Variants in PCDHGA1 observed in about 807,000 individuals in gnomAD.
PCDHGA1 encodes the protein protocadherin gamma subfamily A, 1.
In PCDHGA1, 32 loss-of-function variants were observed where a neutral mutation model predicts 58.0. The observed-to-expected ratio is 0.55, with a 90% CI of 0.42 to 0.74. The LOEUF is 0.74. PCDHGA1 is among the 30% of genes least tolerant of loss of function. PCDHGA1 has a pLI of 0.00. For synonymous variants in PCDHGA1, 498 were observed against 501.1 expected (o/e 0.99, Z 0.08); for missense variants, 1,205 against 1,182.3 (o/e 1.02, Z -0.28).
rs1424346887 is a variant in PCDHGA1, at chr5:141,489,602, T to C, written c.2422-5205T>C. ...CCCCTGGAGCTAATCCGTGTAGAGG[T>C]AGAGATCCTGGATCTCAATGACAAC... On this transcript the variant is annotated intron_variant, in intron 1 of 3. Coordinates refer to ENST00000517417, the MANE Select transcript of PCDHGA1 (RefSeq NM_018912.3). The surrounding 1 kb of genome is among the most constrained non-coding windows in gnomAD (Gnocchi z 4.5). The C allele has an allele frequency of 5.6e-6, 9 of 1,613,754 alleles. No homozygotes were observed. In the African/African-American group the frequency reaches 6.7e-5, roughly 12 times the overall value.
At chr5:141,350,692 A>C in intron 1 of PCDHGA1, 2 of 1,612,684 alleles carry the variant, frequency 1.2e-6, no homozygotes, top group Non-Finnish European at 1.7e-6. Flanking sequence ...AGTCAGCCTT[A>C]CCCGGGGTAA....
intron 1 of PCDHGA1, chr5:141,344,441 G>A (rs1757418907): frequency 6.2e-7 from 1 of 1,613,506 alleles, no homozygotes; most frequent in Non-Finnish European, 8.5e-7. Context: ...TCCCAACAGA[G>A]GAATTGGAAA....
At chr5:141,426,521 C>T (rs184198267) in intron 1 of PCDHGA1, 14 of 341,908 alleles carry the variant, frequency 4.1e-5, no homozygotes, top group Admixed American at 7.6e-5. Flanking sequence ...ACCGTGAACA[C>T]GGAGAATGGG....
chr5:141,498,976 G>A (rs1311505059), intron 2 of PCDHGA1, among the ~76,000 whole-genome samples: 1 of 13,010 alleles, frequency 7.7e-5, no homozygotes, highest in Non-Finnish European at 2.3e-4. Context: ...AGGGAGGGAA[G>A]GAAGGAAGGA....
chr5:141,423,106 G>T lies in PCDHGA1; in HGVS notation c.2422-71701G>T, dbSNP rs562864937. On this transcript the variant is annotated intron_variant, in intron 1 of 3. Coordinates refer to ENST00000517417, the MANE Select transcript of PCDHGA1 (RefSeq NM_018912.3). ...CGCGGTGGGGGAGCACACGGGCGAGGTGCGTACAGCGCGGGCACTGCTGGA... is the reference window on the plus strand; with the variant it reads ...CGCGGTGGGGGAGCACACGGGCGAGTTGCGTACAGCGCGGGCACTGCTGGA... The T allele has an allele frequency of 1.2e-5, 19 of 1,613,894 alleles. No individual in the cohort carries two copies. The African/African-American group carries it at 2.1e-4, about 18-fold the overall frequency.
At chr5:141,345,570 GTCCT>G (rs1757599646) in intron 1 of PCDHGA1, 1 of 1,614,034 alleles carries the variant, frequency 6.2e-7, no homozygotes, top group African/African-American at 1.3e-5. Context: ...CAACACTGGC[GTCCT>G]ATACGCGCTG....
intron 1 of PCDHGA1, among the ~76,000 whole-genome samples, chr5:141,358,192 AAAAGTAAAATAAAAT>A (rs1229830630): frequency 7.9e-5 from 12 of 152,228 alleles, no homozygotes; most frequent in African/African-American, 2.4e-4. Flanking sequence ...TCTGTCTCCA[AAAAGTAAAATAAAAT>A]AAAGTAAAAT....
chr5:141,457,902 G>A (rs1219261409), intron 1 of PCDHGA1, among the ~76,000 whole-genome samples: 1 of 150,854 alleles, frequency 6.6e-6, no homozygotes, highest in Non-Finnish European at 1.5e-5. Flanking sequence ...GTGTAGACAA[G>A]GTGTGAGGCC....
intron 1 of PCDHGA1, chr5:141,372,315 C>A (rs1444112616): frequency 6.2e-7 from 1 of 1,613,564 alleles, no homozygotes; most frequent in Non-Finnish European, 8.5e-7. Context: ...CGCCCGCCAG[C>A]GCCTGCTGGT....
intron 1 of PCDHGA1, among the ~76,000 whole-genome samples, chr5:141,335,270 TG>T (rs1756557650): frequency 6.6e-6 from 1 of 152,198 alleles, no homozygotes; most frequent in South Asian, 2.1e-4. Flanking sequence ...ATTACAAAAC[TG>T]GTTGATTTTT....
intron 1 of PCDHGA1, chr5:141,417,508 TATTTTGGCTGTCAACTCGTAG>T: frequency 4.2e-6 from 1 of 237,898 alleles, no homozygotes; most frequent in East Asian, 9.1e-5. Flanking sequence ...AAGATTAAAA[TATTTTGGCTGTCAACTCGTAG>T]TTTAAAAAAA....
rs376494807 is a variant in PCDHGA1 at position 141,491,836 on chromosome 5, G to A, written c.2422-2971G>A. 4.2e-5 allele frequency: 62 copies of A among 1,472,880 alleles called. No homozygotes were observed. The highest frequency in any genetic ancestry group is 3.6e-4 in the Middle Eastern group (2 of 5,606). 91.2% of individuals were successfully genotyped at this position (1,472,880 alleles called of 1,614,324 possible). A position where few individuals can be genotyped will look rare whatever the true frequency, so the allele number is the denominator to read the frequency against. On this transcript the variant is annotated intron_variant, in intron 1 of 3. Coordinates refer to ENST00000517417, the MANE Select transcript of PCDHGA1 (RefSeq NM_018912.3). This position sits in a 1 kb window ranked among gnomAD's most constrained non-coding sequence, Gnocchi z 6.9. ...CTGGCTGCGCTCCACCCGATTCTCG[G>A]GATCATTGGACCGTTTGCGCGAAAC...
chr5:141,448,705 C>T (rs2098601893), intron 1 of PCDHGA1, among the ~76,000 whole-genome samples: 1 of 152,100 alleles, frequency 6.6e-6, no homozygotes, highest in Non-Finnish European at 1.5e-5. Context: ...CTTTGGGAGG[C>T]CGAGGCGGGA....
At chr5:141,382,844 C>G (rs749994518) in intron 1 of PCDHGA1, 3 of 1,475,612 alleles carry the variant, frequency 2.0e-6, no homozygotes, top group Non-Finnish European at 2.7e-6. Flanking sequence ...CCGGATACAC[C>G]CGCATTCTGA....
At chr5:141,389,445 G>A (rs749321526) in intron 1 of PCDHGA1, 7 of 1,610,526 alleles carry the variant, frequency 4.3e-6, no homozygotes, top group Non-Finnish European at 5.1e-6. Context: ...CTTCGACCAC[G>A]AGCAGCTGCG....
chr5:141,344,016 C>G, intron 1 of PCDHGA1: 1 of 1,513,186 alleles, frequency 6.6e-7, no homozygotes, highest in Non-Finnish European at 8.8e-7. Flanking sequence ...TCAGAGAAAG[C>G]GATTCACCGA....
At chr5:141,422,399 T>C in intron 1 of PCDHGA1, 3 of 1,598,374 alleles carry the variant, frequency 1.9e-6, no homozygotes, top group Non-Finnish European at 2.6e-6. Context: ...CCTAACCACC[T>C]GCCTTTTAAA....
intron 1 of PCDHGA1, chr5:141,395,506 G>T: frequency 4.6e-6 from 2 of 433,794 alleles, no homozygotes; most frequent in Non-Finnish European, 8.1e-6. Flanking sequence ...CACTTAAGAA[G>T]TAGCTACCCG....
At chr5:141,430,935 T>G (rs748546768) in intron 1 of PCDHGA1, 1 of 1,607,814 alleles carries the variant, frequency 6.2e-7, no homozygotes. Context: ...CCCCGGGAGC[T>G]CGCGGAGCGC....
Sources: gnomAD v4.1 joint callset for allele counts (sites outside exome capture counted in the v4.1 genomes callset) on GRCh38, gnomAD v4.1.1 for gene constraint, Gnocchi (gnomAD v3.1) non-coding constraint, MANE v1.5 for transcripts, NCBI Gene and HGNC (gene_info 2026-07-23, HGNC 2026-07-21) for gene names.